The following DMD variants were observed in gnomAD, a reference collection of about 807,000 sequenced individuals.
DMD encodes dystrophin.
Under a neutral mutation model 330.1 loss-of-function variants are expected in DMD, and 63 were observed. The observed-to-expected ratio is 0.19, with a 90% CI of 0.16 to 0.24. The LOEUF (loss-of-function observed/expected upper bound fraction) is 0.24, where lower values mean the gene tolerates loss of function less well. Ranked by LOEUF, DMD falls within the 10% of genes least tolerant of loss-of-function variation. The pLI, the probability that DMD is intolerant of heterozygous loss-of-function variation, is 1.00. For missense variants in DMD, 3,344 were observed against 2,684.1 expected (o/e 1.25, Z -5.43); for synonymous variants, 1,223 against 959.8 (o/e 1.27, Z -5.07).
At chrX:32,735,029 C>G (rs1186329576) in intron 7 of DMD, among the ~76,000 whole-genome samples, 3 of 110,982 alleles carry the variant, frequency 2.7e-5, no homozygotes, top group Non-Finnish European at 5.7e-5. Context: ...CTGTCTCAGC[C>G]TAAAATCTCC....
At chrX:32,201,081 G>A (rs1396496510) in intron 44 of DMD, among the ~76,000 whole-genome samples, 1 of 111,612 alleles carries the variant, frequency 9.0e-6, no homozygotes, top group African/African-American at 3.3e-5. Context: ...CTTATCTGTA[G>A]GGGATACATT....
chrX:32,573,936 C>A, intron 13 of DMD, 90 bp from the exon 14 acceptor site: 1 of 715,762 alleles, frequency 1.4e-6, no homozygotes, highest in Admixed American at 2.6e-5. Flanking sequence ...CAAAGTATCT[C>A]AGTCTCCTAT....
chrX:32,804,049 T>G (rs2148710724), intron 7 of DMD, among the ~76,000 whole-genome samples: 1 of 111,412 alleles, frequency 9.0e-6, no homozygotes, highest in Non-Finnish European at 1.9e-5. Context: ...ATATTGACAG[T>G]GGGGTGTGTT....
At chrX:32,259,038 A>G (rs985783565) in intron 43 of DMD, among the ~76,000 whole-genome samples, 5 of 111,203 alleles carry the variant, frequency 4.5e-5, no homozygotes, top group Non-Finnish European at 9.4e-5. Flanking sequence ...AAATGAATAT[A>G]GACAGGAGTG....
At chrX:33,188,234 ATCTCTCTCTC>A (rs745634940) in intron 1 of DMD, among the ~76,000 whole-genome samples, 1 of 104,503 alleles carries the variant, frequency 9.6e-6, no homozygotes, top group Non-Finnish European at 2.0e-5. Flanking sequence ...TCCTTTAACC[ATCTCTCTCTC>A]TCTCTCTCTC....
chrX:33,025,301 C>T (rs1406180650), intron 1 of DMD, among the ~76,000 whole-genome samples: 1 of 111,320 alleles, frequency 9.0e-6, no homozygotes, highest in African/African-American at 3.3e-5. Flanking sequence ...ACTGAAAGTA[C>T]ACGCTCATTC....
chrX:31,199,263 G>C (rs1389162608), intron 67 of DMD, among the ~76,000 whole-genome samples: 1 of 8,105 alleles, frequency 1.2e-4, no homozygotes, highest in Non-Finnish European at 2.6e-4. Flanking sequence ...AATTACAGCT[G>C]TATCTCTTAA....
At chrX:32,698,753 A>G in intron 8 of DMD, among the ~76,000 whole-genome samples, 1 of 111,705 alleles carries the variant, frequency 9.0e-6, no homozygotes, top group Middle Eastern at 4.8e-3. Context: ...TTTGCCTTTA[A>G]TCTTTCTCTA....
intron 12 of DMD, among the ~76,000 whole-genome samples, chrX:32,607,586 G>C (rs1734640005): frequency 9.1e-6 from 1 of 109,716 alleles, no homozygotes; most frequent in Admixed American, 9.8e-5. Context: ...ATATTAAACA[G>C]GATAGTTCTC....
intron 43 of DMD, among the ~76,000 whole-genome samples, chrX:32,244,100 C>T (rs575149922): frequency 1.5e-5 from 1 of 66,260 alleles, no homozygotes; most frequent in African/African-American, 5.8e-5. Context: ...TGCTATCCCT[C>T]CCCCCTCCCC....
intron 59 of DMD, among the ~76,000 whole-genome samples, chrX:31,458,646 G>A (rs1259987288): frequency 9.1e-6 from 1 of 109,972 alleles, no homozygotes; most frequent in Non-Finnish European, 1.9e-5. Flanking sequence ...ATGATTTAGT[G>A]CCCTCAAAAA....
At chrX:32,661,405 C>A (rs926398069) in intron 9 of DMD, among the ~76,000 whole-genome samples, 1 of 110,163 alleles carries the variant, frequency 9.1e-6, no homozygotes, top group Non-Finnish European at 1.9e-5. Flanking sequence ...AGACCTGATT[C>A]ATAAAGGTTA....
chrX:31,332,537 T>G (rs1322971028), intron 61 of DMD, among the ~76,000 whole-genome samples: 1 of 112,106 alleles, frequency 8.9e-6, no homozygotes, highest in Non-Finnish European at 1.9e-5. Context: ...TCTACTAACA[T>G]GCAAAGATTA....
chrX:31,155,202 T>C (rs1483259686), intron 74 of DMD, among the ~76,000 whole-genome samples: 1 of 112,547 alleles, frequency 8.9e-6, no homozygotes, highest in Non-Finnish European at 1.9e-5. Context: ...TTATGTATGA[T>C]AAAGAACATT....
intron 60 of DMD, among the ~76,000 whole-genome samples, chrX:31,432,565 T>C (rs1183121764): frequency 8.9e-6 from 1 of 112,296 alleles, no homozygotes; most frequent in African/African-American, 3.2e-5. Context: ...CAGGTGGGAT[T>C]TGGATAAGTA....
In DMD at chrX:32,435,894, C is replaced by A. The variant is rs369150818; in HGVS notation, c.4071+2347G>T. On this transcript the variant is annotated intron_variant, in intron 29 of 78. Coordinates refer to ENST00000357033, the MANE Select transcript of DMD (RefSeq NM_004006.3). ...CAAATCCATAGGCAGCTTCCTGGAG[C>A]CCCACCTCATTTCCTCAAGTTTAGT... Among the ~76,000 whole-genome samples the A allele has an allele frequency of 2.7e-5, 3 of 111,606 alleles. No individual in the cohort carries two copies. In the South Asian group the frequency reaches 1.1e-3, roughly 42 times the overall value.
At chrX:32,327,256 T>A (rs770427219) in intron 41 of DMD, among the ~76,000 whole-genome samples, 5 of 110,877 alleles carry the variant, frequency 4.5e-5, no homozygotes, top group Admixed American at 9.6e-5. Context: ...GCAAAATTTT[T>A]AAAAAATCTC....
chrX:33,133,134 A>AG (rs2095508573), intron 1 of DMD, among the ~76,000 whole-genome samples: 1 of 111,005 alleles, frequency 9.0e-6, no homozygotes, highest in Admixed American at 9.6e-5. Flanking sequence ...TTAAAAAAAA[A>AG]GCAAGTAGTA....
chrX:32,369,951 A>G (rs1419568910), intron 34 of DMD, among the ~76,000 whole-genome samples: 1 of 111,212 alleles, frequency 9.0e-6, no homozygotes, highest in African/African-American at 3.3e-5. Flanking sequence ...ATATGAATAA[A>G]AGGCTAACTA....
Sources: allele counts gnomAD v4.1 joint callset (sites outside exome capture counted in the v4.1 genomes callset), GRCh38; gene constraint gnomAD v4.1.1; transcripts MANE v1.5; gene names NCBI Gene and HGNC (gene_info 2026-07-23, HGNC 2026-07-21).